Variants in NUDT9 observed in about 807,000 individuals in gnomAD.
NUDT9 encodes the protein nudix hydrolase 9, also known as ADP-ribose pyrophosphatase.
In NUDT9, 31 loss-of-function variants were observed where a neutral mutation model predicts 41.0. That is an observed-to-expected ratio of 0.76 (90% CI 0.57 to 1.02). The LOEUF (loss-of-function observed/expected upper bound fraction) is 1.02, where lower values mean the gene tolerates loss of function less well. Ranked by LOEUF, NUDT9 falls within the 50% of genes least tolerant of loss-of-function variation. The pLI, the probability that NUDT9 is intolerant of heterozygous loss-of-function variation, is 0.00. For synonymous variants in NUDT9, 146 were observed against 147.6 expected (o/e 0.99, Z 0.08); for missense variants, 380 against 431.4 (o/e 0.88, Z 1.06).
intron 3 of NUDT9, 108 bp from the exon 4 acceptor site, chr4:87,441,721 A>G: frequency 1.2e-6 from 1 of 839,894 alleles, no homozygotes; most frequent in Non-Finnish European, 2.0e-6. Flanking sequence ...TGGATTTGTA[A>G]GGACTTATTC....
chr4:87,423,288 G>A (rs1013030498), intron 1 of NUDT9, among the ~76,000 whole-genome samples: 1 of 152,080 alleles, frequency 6.6e-6, no homozygotes, highest in Non-Finnish European at 1.5e-5. Context: ...GTTTGGGGTG[G>A]TGGTGTCCCG....
intron 4 of NUDT9, 92 bp downstream of exon 4, chr4:87,442,007 G>T: frequency 1.3e-6 from 1 of 787,874 alleles, no homozygotes; most frequent in Non-Finnish European, 2.0e-6. Context: ...ATGTATACCT[G>T]TGTGTATATA....
chr4:87,451,656 ACTC>A lies in NUDT9; in HGVS notation c.713_715del (p.Ser238del), dbSNP rs1722714861. 5.0e-6 allele frequency: 8 copies of A among 1,613,838 alleles called. 1 individual carries two copies. In the East Asian group the frequency reaches 1.8e-4, roughly 36 times the overall value. On this transcript the variant is annotated inframe_deletion, in exon 6 of 8. Transcript: ENST00000302174. ...AGAGAATTTGGTGAGGAAGCTCTCAACTCCTTACAGAAAACCAGTGCTGAGAAG... is the reference window on the plus strand; with the variant it reads ...AGAGAATTTGGTGAGGAAGCTCTCAACTTACAGAAAACCAGTGCTGAGAAG...
At chr4:87,423,034 G>C (rs1458614889) in intron 1 of NUDT9, 22 bp downstream of exon 1, 1 of 1,591,124 alleles carries the variant, frequency 6.3e-7, no homozygotes, top group South Asian at 1.1e-5. Flanking sequence ...TCCTACTACC[G>C]GCTCCTTTGC....
At chr4:87,441,752 C>T (rs13104303) in intron 3 of NUDT9, 77 bp from the exon 4 acceptor site, 414,547 of 1,153,204 alleles carry the variant, frequency 0.36, 76,039 homozygotes, top group East Asian at 0.46. Flanking sequence ...CTTATGTTCT[C>T]TTCTTTTGGG....
In NUDT9 at chr4:87,457,781, G is replaced by T. The variant is rs937893839; in HGVS notation, c.875-62G>T. 2.8e-6 allele frequency: 4 copies of T among 1,422,050 alleles called. No homozygotes were observed. The South Asian group carries it at 3.6e-5, about 13-fold the overall frequency. The allele number at this position is 1,422,050 out of a possible 1,614,324, so 88.1% of individuals were successfully genotyped here. ...ATTATTTTAAATAAGAATACTTGAC[G>T]ACATAGATATGCTAAAACAGAAATG... On this transcript the variant is annotated intron_variant, in intron 7 of 7. Coordinates refer to ENST00000302174, the MANE Select transcript of NUDT9 (RefSeq NM_024047.5).
intron 6 of NUDT9, among the ~76,000 whole-genome samples, chr4:87,451,999 A>G (rs1443016857): frequency 6.6e-6 from 1 of 151,506 alleles, no homozygotes; most frequent in Non-Finnish European, 1.5e-5. Context: ...TTTTCTTCTT[A>G]GTTTTTCTTT....
At chr4:87,445,994 T>G (rs13122902) in intron 4 of NUDT9, among the ~76,000 whole-genome samples, 89,565 of 149,882 alleles carry the variant, frequency 0.6, 27,014 homozygotes, top group East Asian at 0.7. Flanking sequence ...GAACTCCTGA[T>G]CTCAAGCAGT....
At chr4:87,443,599 A>T (rs1033621771) in intron 4 of NUDT9, among the ~76,000 whole-genome samples, 4 of 152,236 alleles carry the variant, frequency 2.6e-5, no homozygotes, top group African/African-American at 9.6e-5. Flanking sequence ...TGGGTGATTC[A>T]GGATGCTTTA....
At chr4:87,452,349 T>C (rs1250046675) in intron 6 of NUDT9, among the ~76,000 whole-genome samples, 2 of 152,104 alleles carry the variant, frequency 1.3e-5, no homozygotes, top group Admixed American at 1.3e-4. Context: ...ACAGAAAGCT[T>C]TTTGTATGTG....
At chr4:87,426,979 G>C (rs1721455477) in intron 1 of NUDT9, among the ~76,000 whole-genome samples, 1 of 150,890 alleles carries the variant, frequency 6.6e-6, no homozygotes, top group South Asian at 2.1e-4. Context: ...AAAAAGCCAG[G>C]TGTGGTAGCA....
At chr4:87,456,667 C>G (rs1345566677) in intron 7 of NUDT9, among the ~76,000 whole-genome samples, 1 of 152,126 alleles carries the variant, frequency 6.6e-6, no homozygotes, top group African/African-American at 2.4e-5. Flanking sequence ...GTGTTCCTAC[C>G]AGGTGCTGAC....
intron 4 of NUDT9, among the ~76,000 whole-genome samples, chr4:87,444,100 T>A (rs1362277274): frequency 2.0e-5 from 3 of 152,206 alleles, no homozygotes; most frequent in African/African-American, 4.8e-5. Flanking sequence ...TTTTAATTTT[T>A]ATTTTTTTAC....
At chr4:87,424,057 TA>T (rs1336725061) in intron 1 of NUDT9, among the ~76,000 whole-genome samples, 2 of 152,198 alleles carry the variant, frequency 1.3e-5, no homozygotes, top group Non-Finnish European at 2.9e-5. Context: ...CCTTCATTTC[TA>T]AAAAACTTTT....
intron 4 of NUDT9, among the ~76,000 whole-genome samples, chr4:87,444,913 A>C (rs944009079): frequency 2.0e-5 from 3 of 152,218 alleles, no homozygotes; most frequent in African/African-American, 2.4e-5. Context: ...TATCTCAATA[A>C]TGCATTAATT....
At chr4:87,454,737 A>C (rs1722912398) in intron 7 of NUDT9, among the ~76,000 whole-genome samples, 1 of 152,230 alleles carries the variant, frequency 6.6e-6, no homozygotes, top group African/African-American at 2.4e-5. Flanking sequence ...AAGATGTCAG[A>C]TTATTTATTG....
intron 1 of NUDT9, among the ~76,000 whole-genome samples, chr4:87,424,253 CGTTTTTT>C (rs1721296939): frequency 9.6e-6 from 1 of 103,910 alleles, no homozygotes; most frequent in African/African-American, 3.8e-5. Context: ...CTCCCTAATG[CGTTTTTT>C]TTTTTTTTTT....
rs763970866 is a variant in NUDT9, at chr4:87,422,944, G to GTC, written c.49_50dup (p.Ala18TrpfsTer6). ...TCCTGGGAAAGGCTTTAGCCGCGGT[G>GTC]TCTCTCTCTCTGGCCTTGGCCTCTG... On this transcript the variant is annotated frameshift_variant, in exon 1 of 8. Transcript: ENST00000302174. LOFTEE classifies it high-confidence loss of function. 38 of 1,612,474 alleles carry GTC rather than the reference G, an allele frequency of 2.4e-5. No homozygotes were observed. The highest frequency in any genetic ancestry group is 1.6e-4 in the Middle Eastern group (1 of 6,080).
intron 2 of NUDT9, among the ~76,000 whole-genome samples, chr4:87,437,305 A>G (rs1471410004): frequency 6.6e-6 from 1 of 150,670 alleles, no homozygotes; most frequent in Non-Finnish European, 1.5e-5. Context: ...GTGGCATGAT[A>G]CAAATATAGT....
Sources: allele counts gnomAD v4.1 joint callset (sites outside exome capture counted in the v4.1 genomes callset), GRCh38; gene constraint gnomAD v4.1.1; transcripts MANE v1.5; gene names NCBI Gene and HGNC (gene_info 2026-07-23, HGNC 2026-07-21).